ZNF704: variants seen among roughly 807,000 people sequenced by gnomAD.
The protein encoded by ZNF704 is zinc finger protein 704.
ZNF704 carries 10 observed loss-of-function variants against 44.7 expected under a neutral mutation model. The ratio of observed to expected loss-of-function variants is 0.22; its 90% CI spans 0.14 to 0.38. The LOEUF (loss-of-function observed/expected upper bound fraction) is 0.38. ZNF704 is among the 10% of genes least tolerant of loss of function. The pLI is 1.00. For missense variants in ZNF704, 390 were observed against 545.5 expected (o/e 0.71, Z 2.84); for synonymous variants, 211 against 207.6 (o/e 1.02, Z -0.14).
chr8:80,669,196 T>C (rs1345620110), intron 5 of ZNF704, among the ~76,000 whole-genome samples: 1 of 152,152 alleles, frequency 6.6e-6, no homozygotes, highest in African/African-American at 2.4e-5. Flanking sequence ...ACAAATACCC[T>C]ACCTCCTGGC....
intron 5 of ZNF704, 23 bp downstream of exon 5, chr8:80,670,480 C>G: frequency 6.3e-7 from 1 of 1,580,022 alleles, no homozygotes; most frequent in South Asian, 1.1e-5. Flanking sequence ...GGGGCTGCAT[C>G]CCTGAAGAGA....
chr8:80,709,420 G>T (rs1409011770), intron 2 of ZNF704, among the ~76,000 whole-genome samples: 2 of 116,962 alleles, frequency 1.7e-5, no homozygotes, highest in Non-Finnish European at 3.2e-5. Flanking sequence ...CTCCACCTTG[G>T]CAACAGTGCG....
chr8:80,847,239 A>G (rs1475275110), intron 1 of ZNF704, among the ~76,000 whole-genome samples: 4 of 152,112 alleles, frequency 2.6e-5, no homozygotes, highest in Admixed American at 2.6e-4. Context: ...ACCCCTCAAA[A>G]AAGAGAAGTA....
intron 1 of ZNF704, among the ~76,000 whole-genome samples, chr8:80,838,813 G>C (rs1023784071): frequency 4.0e-5 from 6 of 151,392 alleles, no homozygotes; most frequent in Non-Finnish European, 5.9e-5. Context: ...GAGGAGAAAG[G>C]GGAAAGGAAC....
chr8:80,744,744 C>T (rs80328862), intron 2 of ZNF704, among the ~76,000 whole-genome samples: 12 of 152,094 alleles, frequency 7.9e-5, no homozygotes, highest in African/African-American at 2.7e-4. Flanking sequence ...TCCCTTTTAC[C>T]ATTGGGGAGG....
At chr8:80,650,981 T>C (rs1167343878) in intron 7 of ZNF704, among the ~76,000 whole-genome samples, 1 of 152,168 alleles carries the variant, frequency 6.6e-6, no homozygotes, top group Admixed American at 6.5e-5. Context: ...GCAGAAACTA[T>C]ACAAGCCAGA....
At chr8:80,834,057 G>A (rs1353896162) in intron 1 of ZNF704, among the ~76,000 whole-genome samples, 5 of 152,116 alleles carry the variant, frequency 3.3e-5, no homozygotes, top group African/African-American at 9.7e-5. Context: ...AGCTGGGCAC[G>A]GTGGTATATG....
At chr8:80,757,194 A>G (rs1414036977) in intron 2 of ZNF704, among the ~76,000 whole-genome samples, 1 of 152,202 alleles carries the variant, frequency 6.6e-6, no homozygotes, top group Non-Finnish European at 1.5e-5. Flanking sequence ...TGACAGCTCC[A>G]TGCATGTTAT....
At chr8:80,842,581 C>T (rs1808699728) in intron 1 of ZNF704, among the ~76,000 whole-genome samples, 1 of 152,100 alleles carries the variant, frequency 6.6e-6, no homozygotes, top group African/African-American at 2.4e-5. Flanking sequence ...CAGGTAAGGC[C>T]TCTGTGAGCC....
At chr8:80,841,170 C>A (rs1339861935) in intron 1 of ZNF704, among the ~76,000 whole-genome samples, 1 of 152,246 alleles carries the variant, frequency 6.6e-6, no homozygotes, top group Admixed American at 6.5e-5. Flanking sequence ...ACTGTGTTTG[C>A]CAAATCTCTT....
intron 2 of ZNF704, among the ~76,000 whole-genome samples, chr8:80,774,165 G>A (rs1055922792): frequency 2.0e-5 from 3 of 151,846 alleles, no homozygotes; most frequent in African/African-American, 7.3e-5. Flanking sequence ...CCAGGCTCAA[G>A]TGATCCTCCC....
chr8:80,757,506 A>G (rs761462485), intron 2 of ZNF704, among the ~76,000 whole-genome samples: 1 of 152,150 alleles, frequency 6.6e-6, no homozygotes, highest in Non-Finnish European at 1.5e-5. Context: ...ACAGTAAGCT[A>G]AGGTTAATAT....
chr8:80,732,742 G>C (rs542698409), intron 2 of ZNF704, among the ~76,000 whole-genome samples: 1 of 152,232 alleles, frequency 6.6e-6, no homozygotes, highest in East Asian at 1.9e-4. Context: ...GACTGCTTGA[G>C]CCCAGGAGTT....
chr8:80,774,645 C>G (rs936390705), intron 2 of ZNF704, among the ~76,000 whole-genome samples: 3 of 152,170 alleles, frequency 2.0e-5, no homozygotes, highest in African/African-American at 7.2e-5. Flanking sequence ...ACCACTCCAG[C>G]AGGAGTATTA....
chr8:80,755,419 C>T (rs890002432), intron 2 of ZNF704, among the ~76,000 whole-genome samples: 4 of 152,190 alleles, frequency 2.6e-5, no homozygotes, highest in Non-Finnish European at 4.4e-5. Flanking sequence ...CGTGCCACTG[C>T]ACTCCAGCCT....
intron 2 of ZNF704, among the ~76,000 whole-genome samples, chr8:80,733,640 T>G (rs1806618818): frequency 6.6e-6 from 1 of 152,218 alleles, no homozygotes; most frequent in Non-Finnish European, 1.5e-5. Flanking sequence ...ATTTCAAATT[T>G]TATTCCCTTA....
chr8:80,843,745 T>C (rs2129973266), intron 1 of ZNF704, among the ~76,000 whole-genome samples: 1 of 152,232 alleles, frequency 6.6e-6, no homozygotes, highest in East Asian at 1.9e-4. Context: ...TCAAAGAAGA[T>C]AAAAATTGTA....
chr8:80,812,777 T>G (rs578085993), intron 2 of ZNF704, among the ~76,000 whole-genome samples: 1 of 152,212 alleles, frequency 6.6e-6, no homozygotes. Context: ...ACTATAGATA[T>G]AGTTCACATT....
intron 2 of ZNF704, 104 bp from the exon 3 acceptor site, chr8:80,693,211 A>C: frequency 1.1e-6 from 1 of 905,760 alleles, no homozygotes; most frequent in African/African-American, 1.6e-5. Flanking sequence ...ACTTATCCCC[A>C]TGAACAACCG....
Sources: allele counts gnomAD v4.1 joint callset (sites outside exome capture counted in the v4.1 genomes callset), GRCh38; gene constraint gnomAD v4.1.1; transcripts MANE v1.5; gene names NCBI Gene and HGNC (gene_info 2026-07-23, HGNC 2026-07-21).